The following GRIA4 variants were observed in gnomAD, a reference collection of about 807,000 sequenced individuals.
GRIA4 encodes glutamate receptor 4.
Under a neutral mutation model 104.0 loss-of-function variants are expected in GRIA4, and 34 were observed. The observed-to-expected ratio is 0.33, with a 90% CI of 0.25 to 0.44. GRIA4 has a LOEUF of 0.44. Ranked by LOEUF, GRIA4 falls within the 20% of genes least tolerant of loss-of-function variation. The pLI is 1.00. For synonymous variants in GRIA4, 386 were observed against 381.9 expected (o/e 1.01, Z -0.13); for missense variants, 750 against 1,096.5 (o/e 0.68, Z 4.46).
At chr11:105,842,571 G>A (rs1163650408) in intron 4 of GRIA4, among the ~76,000 whole-genome samples, 3 of 152,124 alleles carry the variant, frequency 2.0e-5, no homozygotes, top group Non-Finnish European at 4.4e-5. Flanking sequence ...CCTGGCACAC[G>A]TTGATACTGA....
chr11:105,866,921 T>G (rs966215966), intron 5 of GRIA4, among the ~76,000 whole-genome samples: 1 of 152,094 alleles, frequency 6.6e-6, no homozygotes, highest in Non-Finnish European at 1.5e-5. Flanking sequence ...TAGTAAGGAC[T>G]GACCTTAGAG....
intron 3 of GRIA4, among the ~76,000 whole-genome samples, chr11:105,664,030 G>T (rs1251981409): frequency 6.7e-6 from 1 of 149,926 alleles, no homozygotes; most frequent in Admixed American, 6.8e-5. Flanking sequence ...CGAAGGAAAA[G>T]CTATATGTAT....
At chr11:105,950,591 C>A (rs551950740) in intron 14 of GRIA4, among the ~76,000 whole-genome samples, 50 of 152,198 alleles carry the variant, frequency 3.3e-4, no homozygotes, top group Non-Finnish European at 6.0e-4. Flanking sequence ...ATCTTACCAT[C>A]TAGTTAAATC....
Position 105,926,744 on chromosome 11 carries a change from C to T in GRIA4, c.1851C>T (p.Ser617=). 4.4e-6 allele frequency: 7 copies of T among 1,588,006 alleles called. No individual in the cohort carries two copies. The highest frequency in any genetic ancestry group is 6.1e-6 in the Non-Finnish European group (7 of 1,156,858). The change falls in exon 13 of 17, where the codon TCC becomes TCT. Residue 617 remains serine (S), a synonymous_variant. Transcript: ENST00000282499. ...GCATTATTTTATCCATGTTTAGATCCCTCTCAGGTCGAATTGTTGGAGGTG... is the reference window on the plus strand; with the variant it reads ...GCATTATTTTATCCATGTTTAGATCTCTCTCAGGTCGAATTGTTGGAGGTG... ...MQQGCDISPR[S]LSGRIVGGVW...
At chr11:105,848,134 A>G (rs1258500652) in intron 4 of GRIA4, among the ~76,000 whole-genome samples, 1 of 152,230 alleles carries the variant, frequency 6.6e-6, no homozygotes, top group Non-Finnish European at 1.5e-5. Context: ...TGGTTTCATT[A>G]GCATAATGGA....
chr11:105,856,329 T>C (rs554805744), intron 4 of GRIA4, among the ~76,000 whole-genome samples: 2 of 152,268 alleles, frequency 1.3e-5, no homozygotes, highest in African/African-American at 4.8e-5. Context: ...TTGTAATATA[T>C]CCCTTGCCTG....
intron 3 of GRIA4, among the ~76,000 whole-genome samples, chr11:105,662,692 A>G (rs1952048592): frequency 6.6e-6 from 1 of 151,958 alleles, no homozygotes; most frequent in African/African-American, 2.4e-5. Flanking sequence ...AATATGTAAC[A>G]AAGCAAGTGT....
At chr11:105,739,229 T>A (rs1207210199) in intron 3 of GRIA4, among the ~76,000 whole-genome samples, 1 of 152,182 alleles carries the variant, frequency 6.6e-6, no homozygotes, top group Non-Finnish European at 1.5e-5. Flanking sequence ...AAGTGAGCCA[T>A]GTGTTTCCAT....
At chr11:105,643,705 T>C (rs1188445590) in intron 3 of GRIA4, among the ~76,000 whole-genome samples, 1 of 152,068 alleles carries the variant, frequency 6.6e-6, no homozygotes, top group Non-Finnish European at 1.5e-5. Context: ...TAAATTTTTT[T>C]TGGTGGTGTT....
At chr11:105,748,774 G>C (rs1939824338) in intron 3 of GRIA4, among the ~76,000 whole-genome samples, 1 of 152,138 alleles carries the variant, frequency 6.6e-6, no homozygotes, top group African/African-American at 2.4e-5. Context: ...ATTCTGAATG[G>C]GGAAGTAGCA....
rs1304442181 is a variant in GRIA4 at position 105,899,143 on chromosome 11, A to G, written c.885+716A>G. On this transcript the variant is annotated intron_variant, in intron 7 of 16. Coordinates refer to ENST00000282499, the MANE Select transcript of GRIA4 (RefSeq NM_000829.4). ...GTATAATTTGGAAACTCAAGCCTAG[A>G]AAAAACAAGATCTAAGGCTAGAGGG... is the stretch of plus-strand genomic sequence containing the variant. Among the ~76,000 whole-genome samples, 10 of 152,170 alleles carry G rather than the reference A, an allele frequency of 6.6e-5. 1 individual carries two copies. The highest frequency in any genetic ancestry group is 2.6e-4 in the Admixed American group (4 of 15,284).
intron 4 of GRIA4, among the ~76,000 whole-genome samples, chr11:105,793,736 A>G (rs1942325770): frequency 6.6e-6 from 1 of 152,128 alleles, no homozygotes; most frequent in Non-Finnish European, 1.5e-5. Flanking sequence ...GGGGAAGGAA[A>G]GTGGGGATAT....
chr11:105,676,942 T>C (rs1262482789), intron 3 of GRIA4, among the ~76,000 whole-genome samples: 1 of 151,818 alleles, frequency 6.6e-6, no homozygotes, highest in Admixed American at 6.6e-5. Flanking sequence ...GGAGATATTA[T>C]AGAGGATTTG....
At chr11:105,977,723 G>C (rs779472267) in intron 16 of GRIA4, among the ~76,000 whole-genome samples, 1 of 151,934 alleles carries the variant, frequency 6.6e-6, no homozygotes, top group Non-Finnish European at 1.5e-5. Context: ...GATATAAATA[G>C]TCCTGCTTTG....
intron 3 of GRIA4, among the ~76,000 whole-genome samples, chr11:105,721,740 CTTCCCTCAGCTA>C (rs1937837315): frequency 6.6e-6 from 1 of 152,146 alleles, no homozygotes. Context: ...GTGGAACATT[CTTCCCTCAGCTA>C]TTCCCACAGC....
intron 14 of GRIA4, among the ~76,000 whole-genome samples, chr11:105,958,402 T>C (rs1334295290): frequency 1.3e-5 from 2 of 152,236 alleles, no homozygotes; most frequent in African/African-American, 4.8e-5. Context: ...TCTGTTTATA[T>C]GGTGGATTAT....
intron 4 of GRIA4, among the ~76,000 whole-genome samples, chr11:105,790,298 A>C (rs1942159147): frequency 6.6e-6 from 1 of 152,220 alleles, no homozygotes; most frequent in Admixed American, 6.5e-5. Context: ...AAGCCAATGC[A>C]CATTGCTGTG....
At chr11:105,766,521 C>T (rs903104205) in intron 4 of GRIA4, among the ~76,000 whole-genome samples, 2 of 152,090 alleles carry the variant, frequency 1.3e-5, no homozygotes, top group Non-Finnish European at 2.9e-5. Flanking sequence ...AGTAACATTA[C>T]TTTTTAACTT....
At chr11:105,912,321 T>C in intron 10 of GRIA4, 1 of 976,880 alleles carries the variant, frequency 1.0e-6, no homozygotes, top group Non-Finnish European at 1.2e-6. Context: ...ATTTTGCCTG[T>C]TCTGTGTGAA....
Sources: gnomAD v4.1 joint callset for allele counts (sites outside exome capture counted in the v4.1 genomes callset) on GRCh38, gnomAD v4.1.1 for gene constraint, MANE v1.5 for transcripts, NCBI Gene and HGNC (gene_info 2026-07-23, HGNC 2026-07-21) for gene names.